The following PCDHA12 variants were observed in gnomAD, a reference collection of about 807,000 sequenced individuals.
PCDHA12 encodes protocadherin alpha-12.
PCDHA12 carries 44 observed loss-of-function variants against 60.0 expected under a neutral mutation model. The ratio of observed to expected loss-of-function variants is 0.73; its 90% CI spans 0.58 to 0.94. The LOEUF is 0.94. Among genes scored for constraint, PCDHA12 ranks in the 40% least tolerant of loss-of-function variants. The pLI is 0.00. For synonymous variants in PCDHA12, 569 were observed against 553.0 expected, an observed-to-expected ratio of 1.03 and a Z score of -0.40; for missense variants, 1,276 against 1,239.7, an observed-to-expected ratio of 1.03 and a Z score of -0.44.
At chr5:140,884,722 T>C in intron 1 of PCDHA12, 2 of 1,460,382 alleles carry the variant, frequency 1.4e-6, no homozygotes, top group South Asian at 3.0e-5. Flanking sequence ...TGCAGTTGTT[T>C]GTTTAAGACA....
At chr5:140,926,906 G>T in intron 1 of PCDHA12, 1 of 1,559,584 alleles carries the variant, frequency 6.4e-7, no homozygotes, top group Non-Finnish European at 8.7e-7. Context: ...GTGGGCTGTG[G>T]GGTGGCAGTT....
intron 1 of PCDHA12, among the ~76,000 whole-genome samples, chr5:140,950,542 A>G (rs1332265340): frequency 1.3e-5 from 2 of 152,014 alleles, no homozygotes; most frequent in Non-Finnish European, 2.9e-5. Flanking sequence ...TTGCTCTTGC[A>G]TGGCTGGGGG....
chr5:141,001,670 C>T (rs1554258276), intron 3 of PCDHA12, among the ~76,000 whole-genome samples: 1 of 151,900 alleles, frequency 6.6e-6, no homozygotes, highest in African/African-American at 2.4e-5. Flanking sequence ...CTTGTCCAGT[C>T]GGTCCAACAA....
intron 1 of PCDHA12, chr5:140,883,933 G>C: frequency 6.2e-7 from 1 of 1,613,398 alleles, no homozygotes; most frequent in Non-Finnish European, 8.5e-7. Flanking sequence ...AGGTGTTCGT[G>C]CTGGACGAGA....
chr5:140,929,179 G>T (rs782673786), intron 1 of PCDHA12: 5 of 1,614,104 alleles, frequency 3.1e-6, no homozygotes, highest in Non-Finnish European at 4.2e-6. Context: ...TCTGGGACTT[G>T]GTTCTGATAA....
chr5:140,921,581 T>C (rs1199851100), intron 1 of PCDHA12, among the ~76,000 whole-genome samples: 1 of 152,210 alleles, frequency 6.6e-6, no homozygotes, highest in Non-Finnish European at 1.5e-5. Flanking sequence ...GAGCTCATAC[T>C]ATATTATGGT....
intron 1 of PCDHA12, among the ~76,000 whole-genome samples, chr5:140,960,124 T>C (rs966679082): frequency 3.3e-5 from 5 of 152,216 alleles, no homozygotes; most frequent in African/African-American, 1.2e-4. Flanking sequence ...GTATTCCTTA[T>C]GAAATACTTA....
At chr5:140,943,670 G>A (rs1161487572) in intron 1 of PCDHA12, among the ~76,000 whole-genome samples, 1 of 152,036 alleles carries the variant, frequency 6.6e-6, no homozygotes, top group Non-Finnish European at 1.5e-5. Flanking sequence ...TGTATAAAGT[G>A]TGAAAAAAAG....
intron 1 of PCDHA12, among the ~76,000 whole-genome samples, chr5:140,932,118 A>C (rs2088050775): frequency 6.6e-6 from 1 of 151,946 alleles, no homozygotes; most frequent in African/African-American, 2.4e-5. Flanking sequence ...CCAATTGATA[A>C]TATTTAAGAT....
intron 1 of PCDHA12, chr5:140,926,333 C>G (rs1244364456): frequency 6.6e-6 from 1 of 152,288 alleles, no homozygotes; most frequent in Non-Finnish European, 1.5e-5. Context: ...GGTCAGAGCG[C>G]CGGGACCCGA....
At position 140,876,607 on chromosome 5, in the gene PCDHA12, T is replaced by C; in HGVS notation, c.1135T>C (p.Ser379Pro). 1 of 1,614,186 alleles carries C rather than the reference T, an allele frequency of 6.2e-7. No homozygotes were observed. Among genetic ancestry groups the C allele is most frequent in the Non-Finnish European group, 8.5e-7 (1 of 1,180,026 alleles). The change falls in exon 1 of 4, where the codon TCT becomes CCT. Residue 379 changes from serine to proline, a missense_variant. Ser to Pro is a moderately conservative substitution (Grantham distance 74, BLOSUM62 -1). Transcript: ENST00000398631. ...IALISVSDRDSGANGQVICSL... is the reference protein window; with the variant it reads ...IALISVSDRDPGANGQVICSL... ...CCTGATTAGCGTGTCGGATCGTGAC[T>C]CTGGAGCCAATGGACAGGTCATCTG...
In PCDHA12 at chr5:140,972,316, G is replaced by GT. The variant is rs112435719; in HGVS notation, c.2368-6621dup. On this transcript the variant is annotated intron_variant, in intron 1 of 3. Coordinates refer to ENST00000398631, the MANE Select transcript of PCDHA12 (RefSeq NM_018903.4). ...CACCGTGTCTGACTAGTTTTTAGGT[G>GT]TTTTTTTTTTTTGGAAGAGATGGGG... 6.7e-3 allele frequency among the ~76,000 whole-genome samples: 929 copies of GT among 139,652 alleles called. 6 individuals carry two copies. The highest frequency in any genetic ancestry group is 0.017 in the African/African-American group (645 of 38,294). The allele number at this position is 139,652 out of a possible 152,430, so 91.6% of individuals were successfully genotyped here.
chr5:140,988,247 TC>T (rs2097289620), intron 3 of PCDHA12, among the ~76,000 whole-genome samples: 1 of 152,148 alleles, frequency 6.6e-6, no homozygotes, highest in Admixed American at 6.5e-5. Context: ...GTGGGGCAGC[TC>T]CCGCCTGTGA....
At chr5:140,969,450 G>A (rs1554231822) in intron 1 of PCDHA12, 4 of 1,511,552 alleles carry the variant, frequency 2.6e-6, no homozygotes, top group Non-Finnish European at 3.6e-6. Flanking sequence ...GGTAAACTGA[G>A]TATATATAGT....
At chr5:140,910,067 G>A (rs868941459) in intron 1 of PCDHA12, among the ~76,000 whole-genome samples, 11 of 152,312 alleles carry the variant, frequency 7.2e-5, no homozygotes, top group Non-Finnish European at 1.3e-4. Context: ...TTTTAACAGC[G>A]TAAATTGTTG....
At chr5:140,883,341 C>G in intron 1 of PCDHA12, 1 of 1,614,144 alleles carries the variant, frequency 6.2e-7, no homozygotes, top group Non-Finnish European at 8.5e-7. Context: ...TTGTCACTCC[C>G]CATCAGAGAA....
intron 1 of PCDHA12, among the ~76,000 whole-genome samples, chr5:140,944,593 T>C (rs187929896): frequency 2.6e-5 from 4 of 152,318 alleles, no homozygotes; most frequent in African/African-American, 9.6e-5. Context: ...AGAATTTCCC[T>C]GGGTAGAGTA....
At chr5:140,885,291 G>A (rs1554182107) in intron 1 of PCDHA12, among the ~76,000 whole-genome samples, 6 of 152,132 alleles carry the variant, frequency 3.9e-5, no homozygotes, top group Non-Finnish European at 8.8e-5. Context: ...TATATAGAGA[G>A]AGACCTGGTA....
intron 1 of PCDHA12, among the ~76,000 whole-genome samples, chr5:140,911,977 T>G (rs1554195068): frequency 1.3e-5 from 2 of 152,180 alleles, no homozygotes; most frequent in African/African-American, 4.8e-5. Context: ...TTAACTCACA[T>G]GATCACAAGG....
Sources: allele counts gnomAD v4.1 joint callset (sites outside exome capture counted in the v4.1 genomes callset), GRCh38; gene constraint gnomAD v4.1.1; transcripts MANE v1.5; gene names NCBI Gene and HGNC (gene_info 2026-07-23, HGNC 2026-07-21).